IQCM: variants seen among roughly 807,000 people sequenced by gnomAD.
The protein encoded by IQCM is IQ motif containing M.
In IQCM, 45 loss-of-function variants were observed where a neutral mutation model predicts 57.6. The observed-to-expected ratio is 0.78, with a 90% CI of 0.62 to 1.00. IQCM has a LOEUF of 1.00. IQCM is among the 50% of genes least tolerant of loss of function. The probability of loss-of-function intolerance (pLI) is 0.00; values close to 1 mark genes in which losing one functional copy is unlikely to be tolerated. For synonymous variants in IQCM, 148 were observed against 158.9 expected (o/e 0.93, Z 0.51); for missense variants, 468 against 511.6 (o/e 0.91, Z 0.82).
At chr4:149,704,139 CTTA>C (rs1306102729) in intron 5 of IQCM, among the ~76,000 whole-genome samples, 1 of 150,424 alleles carries the variant, frequency 6.6e-6, no homozygotes, top group Non-Finnish European at 1.5e-5. Flanking sequence ...CATTATTTAT[CTTA>C]TTATAAACTA....
At chr4:149,408,790 C>T (rs945841328) in intron 13 of IQCM, among the ~76,000 whole-genome samples, 1 of 151,994 alleles carries the variant, frequency 6.6e-6, no homozygotes, top group Non-Finnish European at 1.5e-5. Flanking sequence ...AACTGCTGTT[C>T]TTTAAGAGCA....
At chr4:149,578,115 A>AG in intron 9 of IQCM, among the ~76,000 whole-genome samples, 1 of 151,888 alleles carries the variant, frequency 6.6e-6, no homozygotes, top group Middle Eastern at 3.4e-3. Context: ...CGGAACCTTT[A>AG]GGCAGAGGCT....
intron 2 of IQCM, among the ~76,000 whole-genome samples, chr4:149,810,453 A>AT (rs1774466043): frequency 6.6e-6 from 1 of 151,488 alleles, no homozygotes; most frequent in African/African-American, 2.4e-5. Flanking sequence ...AAAAACATAT[A>AT]ATTTTTTTTT....
At chr4:149,440,328 A>G (rs1417180850) in intron 12 of IQCM, among the ~76,000 whole-genome samples, 1 of 151,508 alleles carries the variant, frequency 6.6e-6, no homozygotes, top group African/African-American at 2.4e-5. Flanking sequence ...GTTTTTCCTG[A>G]GACAAATCGC....
intron 7 of IQCM, among the ~76,000 whole-genome samples, chr4:149,660,019 G>T (rs1760023598): frequency 6.6e-6 from 1 of 151,052 alleles, no homozygotes; most frequent in East Asian, 2.0e-4. Flanking sequence ...CACAGCAAAA[G>T]AAACTACCAT....
In IQCM at chr4:149,714,854, T is replaced by C. The variant is rs554530470; in HGVS notation, c.385+18390A>G. On this transcript the variant is annotated intron_variant, in intron 5 of 13. Coordinates refer to ENST00000636793, the MANE Select transcript of IQCM (RefSeq NM_001363507.2). ...TGATTAAATGGATGGGGCACATATA[T>C]AGTGTGGATATGCTGGAGACAGGGA... 3.3e-5 allele frequency among the ~76,000 whole-genome samples: 5 copies of C among 152,270 alleles called. No individual in the cohort carries two copies. The East Asian group carries it at 9.7e-4, about 29-fold the overall frequency.
At chr4:149,739,681 T>C (rs1165011160) in intron 3 of IQCM, among the ~76,000 whole-genome samples, 1 of 152,152 alleles carries the variant, frequency 6.6e-6, no homozygotes, top group African/African-American at 2.4e-5. Context: ...ATAAATGTTT[T>C]GCAATAAAGT....
chr4:149,382,575 T>G (rs1375656278), intron 13 of IQCM, among the ~76,000 whole-genome samples: 2 of 152,018 alleles, frequency 1.3e-5, no homozygotes, highest in Non-Finnish European at 2.9e-5. Context: ...ATAAGTACTT[T>G]CCCTGGGCAT....
chr4:149,458,541 A>C (rs940790428), intron 12 of IQCM, among the ~76,000 whole-genome samples: 4 of 152,004 alleles, frequency 2.6e-5, no homozygotes, highest in African/African-American at 9.7e-5. Context: ...AATCTTTTAA[A>C]ATTAAATAAC....
intron 12 of IQCM, among the ~76,000 whole-genome samples, chr4:149,545,829 A>G (rs1021971280): frequency 4.0e-5 from 6 of 150,678 alleles, no homozygotes; most frequent in African/African-American, 1.5e-4. Flanking sequence ...TTTTTTTTTT[A>G]TTATTATACT....
At chr4:149,387,124 G>A (rs937120815) in intron 13 of IQCM, among the ~76,000 whole-genome samples, 2 of 151,930 alleles carry the variant, frequency 1.3e-5, no homozygotes, top group Non-Finnish European at 2.9e-5. Context: ...GTTCAACACG[G>A]GGAAGTCCAA....
intron 13 of IQCM, among the ~76,000 whole-genome samples, chr4:149,404,081 A>G (rs1331737856): frequency 6.6e-6 from 1 of 152,048 alleles, no homozygotes; most frequent in Non-Finnish European, 1.5e-5. Context: ...AAAGATGGAT[A>G]CACAGAGTAA....
intron 2 of IQCM, among the ~76,000 whole-genome samples, chr4:149,748,447 G>A (rs951697078): frequency 6.6e-6 from 1 of 152,008 alleles, no homozygotes; most frequent in Non-Finnish European, 1.5e-5. Flanking sequence ...TCATTAAAAA[G>A]GAGATGTTAA....
At chr4:149,576,431 G>A (rs968355811) in intron 9 of IQCM, among the ~76,000 whole-genome samples, 1 of 151,676 alleles carries the variant, frequency 6.6e-6, no homozygotes, top group African/African-American at 2.4e-5. Flanking sequence ...GTGGTTTTTG[G>A]TTACATGGAT....
At chr4:149,722,892 C>T (rs1765572717) in intron 5 of IQCM, among the ~76,000 whole-genome samples, 2 of 151,990 alleles carry the variant, frequency 1.3e-5, no homozygotes, top group Non-Finnish European at 2.9e-5. Flanking sequence ...GTAGTATGGT[C>T]ATTTCCATGA....
intron 12 of IQCM, among the ~76,000 whole-genome samples, chr4:149,509,156 C>T (rs892744759): frequency 6.6e-6 from 1 of 152,200 alleles, no homozygotes; most frequent in African/African-American, 2.4e-5. Context: ...GCCTTCCCTT[C>T]ATCATCCTCA....
chr4:149,498,514 C>A (rs1054524591), intron 12 of IQCM, among the ~76,000 whole-genome samples: 1 of 152,108 alleles, frequency 6.6e-6, no homozygotes, highest in Non-Finnish European at 1.5e-5. Flanking sequence ...AAGGGGATCC[C>A]AGCAACCCTG....
At chr4:149,704,216 G>A (rs1763985084) in intron 5 of IQCM, among the ~76,000 whole-genome samples, 1 of 151,740 alleles carries the variant, frequency 6.6e-6, no homozygotes, top group South Asian at 2.1e-4. Flanking sequence ...AATACACACT[G>A]TATTCAGAAG....
intron 13 of IQCM, among the ~76,000 whole-genome samples, chr4:149,371,600 A>G (rs146897409): frequency 1.4e-4 from 21 of 152,280 alleles, no homozygotes; most frequent in African/African-American, 4.8e-4. Context: ...AAGAACTGAT[A>G]TGGACCTCGG....
Sources: gnomAD v4.1 joint callset for allele counts (sites outside exome capture counted in the v4.1 genomes callset) on GRCh38, gnomAD v4.1.1 for gene constraint, MANE v1.5 for transcripts, NCBI Gene and HGNC (gene_info 2026-07-23, HGNC 2026-07-21) for gene names.